The following PLPP3 variants were observed in gnomAD, a reference collection of about 807,000 sequenced individuals.
PLPP3 encodes the protein phospholipid phosphatase 3.
A neutral mutation model predicts 29.6 loss-of-function variants in PLPP3; 6 were observed. The ratio of observed to expected loss-of-function variants is 0.20; its 90% CI spans 0.11 to 0.40. The LOEUF (loss-of-function observed/expected upper bound fraction) is 0.40, where lower values mean the gene tolerates loss of function less well. PLPP3 is among the 10% of genes least tolerant of loss of function. The pLI, the probability that PLPP3 is intolerant of heterozygous loss-of-function variation, is 1.00. For synonymous variants in PLPP3, 152 were observed against 159.7 expected, an observed-to-expected ratio of 0.95 and a Z score of 0.36; for missense variants, 308 against 407.7, an observed-to-expected ratio of 0.76 and a Z score of 2.11.
intron 4 of PLPP3, chr1:56,513,153 G>A (rs1264001292): frequency 6.6e-6 from 1 of 152,298 alleles, no homozygotes; most frequent in Admixed American, 6.6e-5. Context: ...ACAGACACTA[G>A]ACAGGGTGGA....
At chr1:56,523,125 G>A (rs971085490) in intron 4 of PLPP3, among the ~76,000 whole-genome samples, 9 of 152,212 alleles carry the variant, frequency 5.9e-5, no homozygotes, top group African/African-American at 1.9e-4. Context: ...TTTGAGAAAT[G>A]GGGCATGGAT....
At chr1:56,546,050 C>T (rs529675644) in intron 1 of PLPP3, among the ~76,000 whole-genome samples, 2 of 152,308 alleles carry the variant, frequency 1.3e-5, no homozygotes, top group Non-Finnish European at 2.9e-5. Context: ...AGAGATGTTC[C>T]GTTTGGCCTA....
chr1:56,565,075 C>A (rs989289922), intron 1 of PLPP3, among the ~76,000 whole-genome samples: 3 of 152,138 alleles, frequency 2.0e-5, no homozygotes, highest in Non-Finnish European at 4.4e-5. Context: ...TCTCTATAAA[C>A]CTACTGAGGC....
intron 4 of PLPP3, among the ~76,000 whole-genome samples, chr1:56,520,451 C>T (rs1306350624): frequency 6.6e-6 from 1 of 152,204 alleles, no homozygotes; most frequent in Non-Finnish European, 1.5e-5. Context: ...AACTCCAGAA[C>T]TTCCTGCAGC....
At chr1:56,576,867 G>C (rs1646240115) in intron 1 of PLPP3, among the ~76,000 whole-genome samples, 1 of 152,138 alleles carries the variant, frequency 6.6e-6, no homozygotes, top group South Asian at 2.1e-4. Context: ...AGAGTAGCTT[G>C]GGTTTTTACA....
intron 1 of PLPP3, among the ~76,000 whole-genome samples, chr1:56,555,222 A>G (rs983353547): frequency 2.0e-5 from 3 of 151,470 alleles, no homozygotes; most frequent in African/African-American, 7.3e-5. Flanking sequence ...TCATGGAAGC[A>G]GCTGAACCGG....
chr1:56,524,517 T>C lies in PLPP3; in HGVS notation c.335A>G (p.Lys112Arg), dbSNP rs1319646207. 6.2e-7 allele frequency: 1 copy of C among 1,612,608 alleles called. No homozygotes were observed. Among genetic ancestry groups the C allele is most frequent in the Non-Finnish European group, 8.5e-7 (1 of 1,178,666 alleles). ...TGEFYRIYYL[K>R]KSRSTIQNPY... The stretch of plus-strand genomic sequence containing the variant: ...GTTCTGAATCGTCGACCGCGACTTC[T>C]TCAGGTAATAGATCCGGTAGAATTC... Residue 112 changes from lysine to arginine, a missense_variant, in exon 3 of 6, where the codon AAG becomes AGG. By Grantham distance (26) the Lys-to-Arg change is conservative. This residue lies in a region of PLPP3 where 232 missense variants were observed against 317.2 expected (regional missense o/e 0.73). Coordinates refer to ENST00000371250, the MANE Select transcript of PLPP3 (RefSeq NM_003713.5). The surrounding 1 kb of genome is among the most constrained non-coding windows in gnomAD (Gnocchi z 4.3).
intron 1 of PLPP3, among the ~76,000 whole-genome samples, chr1:56,540,710 T>C (rs1307298149): frequency 6.6e-6 from 1 of 152,166 alleles, no homozygotes; most frequent in African/African-American, 2.4e-5. Context: ...TGTGGTATTA[T>C]TGAGGGTGAT....
intron 1 of PLPP3, among the ~76,000 whole-genome samples, chr1:56,551,278 G>GGGGTTTGGTT (rs1491255193): frequency 2.7e-5 from 2 of 74,490 alleles, no homozygotes; most frequent in Admixed American, 3.1e-4. Flanking sequence ...TTCTGGGTTT[G>GGGGTTTGGTT]GGGTTTGGTT....
At chr1:56,569,317 C>T (rs755157339) in intron 1 of PLPP3, among the ~76,000 whole-genome samples, 70 of 151,852 alleles carry the variant, frequency 4.6e-4, no homozygotes, top group African/African-American at 6.3e-4. Context: ...GGATTACAGG[C>T]GCCTGCCACC....
chr1:56,524,661 G>A lies in PLPP3; in HGVS notation c.298-107C>T, dbSNP rs1645841763. 2.4e-6 allele frequency: 3 copies of A among 1,261,244 alleles called. No individual in the cohort carries two copies. The highest frequency in any genetic ancestry group is 2.4e-5 in the East Asian group (1 of 41,128). 78.1% of individuals were successfully genotyped at this position (1,261,244 alleles called of 1,614,324 possible). A position where few individuals can be genotyped will look rare whatever the true frequency, so the allele number is the denominator to read the frequency against. On this transcript the variant is annotated intron_variant, in intron 2 of 5. Transcript: ENST00000371250. The surrounding 1 kb of genome is among the most constrained non-coding windows in gnomAD (Gnocchi z 4.3). ...AGGAGAATATTCAGTATTTGCAAAGGAGTGTCCTAATTTTCTATTTATGAA... is the reference window on the plus strand; with the variant it reads ...AGGAGAATATTCAGTATTTGCAAAGAAGTGTCCTAATTTTCTATTTATGAA...
intron 1 of PLPP3, among the ~76,000 whole-genome samples, chr1:56,569,642 C>T (rs6704006): frequency 0.29 from 44,196 of 151,990 alleles, 7,085 homozygotes; most frequent in Middle Eastern, 0.4. Flanking sequence ...AAGAAAACTT[C>T]ATTTGCTCTC....
At position 56,523,916 on chromosome 1, in the gene PLPP3, T is replaced by C. The variant is rs201770629; in HGVS notation, c.576-36A>G. ...AAGAGAGGGCCATGAAAGGGCCGTA[T>C]TCACATCCCTGATACACACTTGTCT... On this transcript the variant is annotated intron_variant, in intron 3 of 5. Coordinates refer to ENST00000371250, the MANE Select transcript of PLPP3 (RefSeq NM_003713.5). The C allele has an allele frequency of 4.4e-6, 7 of 1,596,622 alleles. No homozygotes were observed. In the South Asian group the frequency reaches 6.6e-5, roughly 15 times the overall value.
intron 2 of PLPP3, among the ~76,000 whole-genome samples, chr1:56,533,058 T>G (rs1265857624): frequency 1.3e-5 from 2 of 151,748 alleles, no homozygotes; most frequent in Non-Finnish European, 2.9e-5. Flanking sequence ...TGTAGCTTTT[T>G]TTTTTTTTCT....
At chr1:56,539,002 C>A (rs1375943968) in intron 1 of PLPP3, 1 of 131,994 alleles carries the variant, frequency 7.6e-6, no homozygotes, top group Non-Finnish European at 1.6e-5. Flanking sequence ...CTATTGAATG[C>A]ACACTCACAA....
chr1:56,514,014 A>G (rs1429096781), intron 4 of PLPP3, among the ~76,000 whole-genome samples: 2 of 152,020 alleles, frequency 1.3e-5, no homozygotes, highest in Non-Finnish European at 2.9e-5. Flanking sequence ...AATCTAAAAG[A>G]CCAAATCTGT....
At chr1:56,566,981 T>TGG in intron 1 of PLPP3, among the ~76,000 whole-genome samples, 1 of 152,176 alleles carries the variant, frequency 6.6e-6, no homozygotes, top group Non-Finnish European at 1.5e-5. Flanking sequence ...TGAAAATAGA[T>TGG]GGGTTTCTAT....
At chr1:56,523,975 A>G in intron 3 of PLPP3, 95 bp from the exon 4 acceptor site, 2 of 1,388,514 alleles carry the variant, frequency 1.4e-6, no homozygotes, top group Non-Finnish European at 1.0e-6. Flanking sequence ...TAACCTTGAG[A>G]GCAGGCACTA....
At position 56,500,532 on chromosome 1, in the gene PLPP3, G is replaced by A. The variant is rs978277863; in HGVS notation, c.811-3856C>T. On this transcript the variant is annotated intron_variant, in intron 5 of 5. Transcript: ENST00000371250. Reference sequence around the variant, plus strand: ...GGAGAAAGGGAGTACAGCACATCCAGGAGCTGCAGGAAGCTCAGTATATCT... The same window carrying A: ...GGAGAAAGGGAGTACAGCACATCCAAGAGCTGCAGGAAGCTCAGTATATCT... Among the ~76,000 whole-genome samples the A allele has an allele frequency of 2.0e-5, 3 of 152,358 alleles. No homozygotes were observed. In the South Asian group the frequency reaches 6.2e-4, roughly 32 times the overall value.
Sources: gnomAD v4.1 joint callset for allele counts (sites outside exome capture counted in the v4.1 genomes callset) on GRCh38, gnomAD v4.1.1 for gene constraint, gnomAD v4.1.1 regional missense constraint, Gnocchi (gnomAD v3.1) non-coding constraint, MANE v1.5 for transcripts, NCBI Gene and HGNC (gene_info 2026-07-23, HGNC 2026-07-21) for gene names.